Variants in KANSL1 observed in about 807,000 individuals in gnomAD.
KANSL1 encodes the protein KAT8 regulatory NSL complex subunit 1.
KANSL1 carries 22 observed loss-of-function variants against 103.6 expected under a neutral mutation model. That is an observed-to-expected ratio of 0.21 (90% CI 0.15 to 0.30). The LOEUF (loss-of-function observed/expected upper bound fraction) is 0.30, where lower values mean the gene tolerates loss of function less well. KANSL1 is among the 10% of genes least tolerant of loss of function. KANSL1 has a pLI of 1.00. For synonymous variants in KANSL1, 600 were observed against 527.6 expected, an observed-to-expected ratio of 1.14 and a Z score of -1.88; for missense variants, 1,337 against 1,399.8, an observed-to-expected ratio of 0.96 and a Z score of 0.72.
chr17:46,146,832 CAAAAAAAAAAAA>C (rs1023164178), intron 2 of KANSL1, among the ~76,000 whole-genome samples: 1,440 of 37,380 alleles, frequency 0.039, 84 homozygotes, highest in African/African-American at 0.1. Flanking sequence ...GACTCCGTCT[CAAAAAAAAAAAA>C]AAAAAAAAAA....
chr17:46,178,768 GTTTACC>G (rs1337025510), intron 1 of KANSL1, among the ~76,000 whole-genome samples: 4 of 152,208 alleles, frequency 2.6e-5, no homozygotes, highest in Non-Finnish European at 4.4e-5. Flanking sequence ...ATATGCAAAT[GTTTACC>G]TTTACCAAAC....
chr17:46,203,196 G>A (rs116893790), intron 1 of KANSL1, among the ~76,000 whole-genome samples: 2,884 of 152,140 alleles, frequency 0.019, 34 homozygotes, highest in Middle Eastern at 0.041. Context: ...AGCTGAGATC[G>A]CGCCACTGCA....
chr17:46,105,312 T>A (rs555874312), intron 2 of KANSL1, among the ~76,000 whole-genome samples: 2 of 152,302 alleles, frequency 1.3e-5, no homozygotes, highest in South Asian at 4.1e-4. Context: ...GATACTAATT[T>A]CTCTTTCAAA....
intron 2 of KANSL1, among the ~76,000 whole-genome samples, chr17:46,113,120 G>A (rs1352792639): frequency 1.3e-5 from 2 of 152,162 alleles, no homozygotes; most frequent in Non-Finnish European, 2.9e-5. Context: ...GTCACAACTG[G>A]GGGTGGGGGG....
chr17:46,157,665 A>T (rs1265480181), intron 2 of KANSL1, among the ~76,000 whole-genome samples: 1 of 152,250 alleles, frequency 6.6e-6, no homozygotes, highest in Non-Finnish European at 1.5e-5. Context: ...ACCGCCTGCA[A>T]ATACTAAATT....
intron 2 of KANSL1, among the ~76,000 whole-genome samples, chr17:46,139,853 G>T (rs2044332723): frequency 6.6e-6 from 1 of 151,586 alleles, no homozygotes; most frequent in Non-Finnish European, 1.5e-5. Context: ...TGAAGGGAAA[G>T]AAAAGAAAAG....
At chr17:46,073,958 A>T (rs1444089870) in intron 4 of KANSL1, among the ~76,000 whole-genome samples, 3 of 151,944 alleles carry the variant, frequency 2.0e-5, no homozygotes, top group African/African-American at 4.8e-5. Flanking sequence ...ACGGTTTTTT[A>T]TATATATATA....
intron 1 of KANSL1, among the ~76,000 whole-genome samples, chr17:46,188,490 G>C (rs1321674284): frequency 1.3e-5 from 2 of 152,206 alleles, no homozygotes; most frequent in South Asian, 4.1e-4. Context: ...CCAAGAAACA[G>C]TTATGAAGTC....
At chr17:46,058,764 C>G (rs1272505185) in intron 6 of KANSL1, among the ~76,000 whole-genome samples, 23 of 92,550 alleles carry the variant, frequency 2.5e-4, no homozygotes, top group Admixed American at 2.0e-3. Context: ...CTCTCTCTCT[C>G]TCTCTCTCTC....
At chr17:46,104,885 G>T (rs1169644087) in intron 2 of KANSL1, among the ~76,000 whole-genome samples, 1 of 151,878 alleles carries the variant, frequency 6.6e-6, no homozygotes, top group African/African-American at 2.4e-5. Context: ...GTGCGATCTC[G>T]GCTCACTGCA....
In KANSL1 at chr17:46,170,854, CAG is replaced by C. The variant is rs2046246646; in HGVS notation, c.1288_1289del (p.Leu430GlufsTer28). 1 of 1,596,924 alleles carries C rather than the reference CAG, an allele frequency of 6.3e-7. No individual in the cohort carries two copies. The highest frequency in any genetic ancestry group is 8.5e-7 in the Non-Finnish European group (1 of 1,171,700). On this transcript the variant is annotated frameshift_variant and splice_region_variant, in exon 2 of 15. Transcript: ENST00000432791. LOFTEE classifies it high-confidence loss of function. ...RADPEQRHVPLRRRSEWKWAA... is the reference protein window; with the variant it reads ...RADPEQRHVPXRRRSEWKWAA... ...TGCTATCATGCATGAGGTCTACTCA[CAG>C]GGGTACATGACGCTGCTCGGGATCA...
At chr17:46,192,435 A>T (rs982992346) in intron 1 of KANSL1, 3 of 152,624 alleles carry the variant, frequency 2.0e-5, no homozygotes, top group African/African-American at 7.2e-5. Context: ...ACGCGCCAAG[A>T]TGTGTGTTTC....
rs766750754 is a variant in KANSL1, at chr17:46,050,584, G to A, written c.1969C>T (p.Arg657Cys). ...EIHYEAPLLE[R>C]LSQLDSCVHP... Reference sequence around the variant, plus strand: ...ACACAAGAGTCCAACTGGGAAAGACGTTCCAACAGAGGGGCTTCATAGTGA... The same window carrying A: ...ACACAAGAGTCCAACTGGGAAAGACATTCCAACAGAGGGGCTTCATAGTGA... The change falls in exon 7 of 15, where the codon CGT (arginine) becomes TGT (cysteine). Residue 657 changes from arginine (R) to cysteine (C), a missense_variant. Arg to Cys is a radical substitution (Grantham distance 180, BLOSUM62 -3). This residue lies in a region of KANSL1 where 780 missense variants were observed against 923.4 expected (regional missense o/e 0.84). Coordinates refer to ENST00000432791, the MANE Select transcript of KANSL1 (RefSeq NM_015443.4). 6 of 1,614,032 alleles carry A rather than the reference G, an allele frequency of 3.7e-6. No individual in the cohort carries two copies. Among genetic ancestry groups the A allele is most frequent in the African/African-American group, 1.3e-5 (1 of 74,920 alleles).
chr17:46,201,505 A>C (rs184482789), intron 1 of KANSL1, among the ~76,000 whole-genome samples: 256 of 152,310 alleles, frequency 1.7e-3, no homozygotes, highest in African/African-American at 5.8e-3. Flanking sequence ...TCCACACGTG[A>C]CACCTTTGCT....
intron 1 of KANSL1, among the ~76,000 whole-genome samples, chr17:46,208,443 C>T (rs1348734679): frequency 6.6e-6 from 1 of 151,874 alleles, no homozygotes; most frequent in East Asian, 1.9e-4. Context: ...AAGACCCCGG[C>T]TCTACTAAAA....
At chr17:46,059,210 A>T (rs9303524) in intron 6 of KANSL1, among the ~76,000 whole-genome samples, 16,498 of 152,092 alleles carry the variant, frequency 0.11, 1,250 homozygotes, top group Non-Finnish European at 0.16. Flanking sequence ...CCCAAAGAAA[A>T]AGCTGAAGTT....
chr17:46,169,311 C>A (rs1370550970), intron 2 of KANSL1, among the ~76,000 whole-genome samples: 3 of 152,140 alleles, frequency 2.0e-5, no homozygotes, highest in Non-Finnish European at 4.4e-5. Context: ...CAGAAGTGGA[C>A]TTGAGCACAG....
intron 2 of KANSL1, among the ~76,000 whole-genome samples, chr17:46,119,740 G>A (rs945914779): frequency 6.6e-6 from 1 of 152,192 alleles, no homozygotes; most frequent in Non-Finnish European, 1.5e-5. Flanking sequence ...CAGGCTGCCA[G>A]GCTCCAAATC....
chr17:46,149,779 G>A (rs1040769678), intron 2 of KANSL1, among the ~76,000 whole-genome samples: 9 of 152,158 alleles, frequency 5.9e-5, no homozygotes, highest in Non-Finnish European at 8.8e-5. Context: ...AGGCCATGGC[G>A]GGTGGATCAC....
Sources: gnomAD v4.1 joint callset for allele counts (sites outside exome capture counted in the v4.1 genomes callset) on GRCh38, gnomAD v4.1.1 for gene constraint, gnomAD v4.1.1 regional missense constraint, MANE v1.5 for transcripts, NCBI Gene and HGNC (gene_info 2026-07-23, HGNC 2026-07-21) for gene names.